KLF15: variants seen among roughly 807,000 people sequenced by gnomAD.
The protein encoded by KLF15 is Krueppel-like factor 15.
Under a neutral mutation model 24.6 loss-of-function variants are expected in KLF15, and 4 were observed. The observed-to-expected ratio is 0.16, with a 90% CI of 0.08 to 0.37. The LOEUF is 0.37. Among genes scored for constraint, KLF15 ranks in the 10% least tolerant of loss-of-function variants. KLF15 has a pLI of 1.00. For synonymous variants in KLF15, 246 were observed against 236.3 expected, an observed-to-expected ratio of 1.04 and a Z score of -0.37; for missense variants, 496 against 560.6, an observed-to-expected ratio of 0.88 and a Z score of 1.16.
At chr3:126,335,436 A>G in the KLF15 span, among the ~76,000 whole-genome samples, 5 of 143,422 alleles carry the variant, frequency 3.5e-5, no homozygotes, top group Admixed American at 7.0e-5. Context: ...AAATAATAAG[A>G]GCTATCTATG....
At chr3:126,302,303 G>A in the KLF15 span, among the ~76,000 whole-genome samples, 1 of 152,146 alleles carries the variant, frequency 6.6e-6, no homozygotes. Flanking sequence ...CCAGAATGTA[G>A]TCAGTCTTGG....
chr3:126,339,810 A>C, downstream of KLF15, among the ~76,000 whole-genome samples: 1 of 151,620 alleles, frequency 6.6e-6, no homozygotes, highest in Non-Finnish European at 1.5e-5. Context: ...TAGACTCTGG[A>C]CCCTATTCAC....
the KLF15 span, among the ~76,000 whole-genome samples, chr3:126,310,152 C>T: frequency 6.6e-6 from 1 of 152,238 alleles, no homozygotes; most frequent in African/African-American, 2.4e-5. Flanking sequence ...CACAGATCCC[C>T]TCCCAGCAGG....
chr3:126,314,436 A>G, the KLF15 span, among the ~76,000 whole-genome samples: 1 of 152,084 alleles, frequency 6.6e-6, no homozygotes, highest in African/African-American at 2.4e-5. Flanking sequence ...CCGCTTGGGG[A>G]AGCAGAGAAT....
chr3:126,346,455 A>G (rs940095506), intron 2 of KLF15, among the ~76,000 whole-genome samples: 7 of 152,160 alleles, frequency 4.6e-5, no homozygotes, highest in Non-Finnish European at 1.0e-4. Context: ...GGTGCCCTGA[A>G]TGGTCCTTTC....
the KLF15 span, among the ~76,000 whole-genome samples, chr3:126,292,201 A>G: frequency 1.3e-5 from 2 of 152,186 alleles, no homozygotes; most frequent in Non-Finnish European, 2.9e-5. Context: ...AGGGAAGCAC[A>G]GGGCTGGGGT....
At chr3:126,308,169 C>T in the KLF15 span, among the ~76,000 whole-genome samples, 4 of 152,176 alleles carry the variant, frequency 2.6e-5, no homozygotes, top group Non-Finnish European at 4.4e-5. Context: ...ATACAGGAAG[C>T]GCGCTGCCCT....
At chr3:126,339,784 C>T (rs1015687655), downstream of KLF15, among the ~76,000 whole-genome samples, 4 of 152,242 alleles carry the variant, frequency 2.6e-5, no homozygotes, top group Admixed American at 2.0e-4. Flanking sequence ...CACCTCCCGG[C>T]TCTCACGGCC....
intron 2 of KLF15, among the ~76,000 whole-genome samples, chr3:126,349,288 T>C (rs2082562072): frequency 6.6e-6 from 1 of 152,048 alleles, no homozygotes; most frequent in Non-Finnish European, 1.5e-5. Context: ...CCAGACCCAC[T>C]CCAGGGGACC....
the KLF15 span, among the ~76,000 whole-genome samples, chr3:126,324,806 C>CT: frequency 0.05 from 3,005 of 59,566 alleles, 91 homozygotes; most frequent in African/African-American, 0.055. Context: ...TTTTTTCGCT[C>CT]TTTTTTTTTT....
chr3:126,330,953 G>A, the KLF15 span, among the ~76,000 whole-genome samples: 2 of 152,184 alleles, frequency 1.3e-5, no homozygotes, highest in African/African-American at 2.4e-5. Context: ...TCTCATAAGG[G>A]CAGCAGAGGA....
At chr3:126,353,812 G>T (rs1429800399) in intron 1 of KLF15, among the ~76,000 whole-genome samples, 1 of 152,200 alleles carries the variant, frequency 6.6e-6, no homozygotes, top group African/African-American at 2.4e-5. Context: ...TGGTGGCCAA[G>T]GCCCTGCCCC....
chr3:126,308,170 G>T, the KLF15 span, among the ~76,000 whole-genome samples: 2 of 152,202 alleles, frequency 1.3e-5, no homozygotes, highest in African/African-American at 4.8e-5. Context: ...TACAGGAAGC[G>T]CGCTGCCCTG....
chr3:126,345,657 C>G (rs1195422011), intron 2 of KLF15, among the ~76,000 whole-genome samples: 1 of 152,144 alleles, frequency 6.6e-6, no homozygotes, highest in Non-Finnish European at 1.5e-5. Flanking sequence ...ACCAGGGCCA[C>G]CCAGCGAGAG....
the KLF15 span, among the ~76,000 whole-genome samples, chr3:126,304,709 C>A: frequency 6.6e-6 from 1 of 152,150 alleles, no homozygotes; most frequent in African/African-American, 2.4e-5. Flanking sequence ...GTATTTTGCC[C>A]AGGTTTGTTA....
chr3:126,343,823 C>T lies in KLF15; in HGVS notation c.1155G>A (p.Val385=). The T allele has an allele frequency of 6.2e-7, 1 of 1,611,740 alleles. No individual in the cohort carries two copies. Among genetic ancestry groups the T allele is most frequent in the Non-Finnish European group, 8.5e-7 (1 of 1,179,892 alleles). The change falls in exon 3 of 3, where the codon GTG becomes GTA. Residue 385 remains valine (V), a synonymous_variant. Coordinates refer to ENST00000296233, the MANE Select transcript of KLF15 (RefSeq NM_014079.4). ...HSGVKPYQCP[V]CEKKFARSDH... is the part of the protein sequence containing the mutation. ...CGCTCCGCGCGAACTTCTTCTCGCA[C>T]ACAGGACACTGGTACGGCTTCACAC...
chr3:126,293,087 A>C, the KLF15 span, among the ~76,000 whole-genome samples: 6 of 149,582 alleles, frequency 4.0e-5, 1 homozygote, highest in Admixed American at 1.3e-4. Flanking sequence ...AGGTGAGAGG[A>C]TCGCTTAAGC....
chr3:126,351,690 T>A (rs2082582782), intron 2 of KLF15, 151 bp downstream of exon 2: 1 of 968,350 alleles, frequency 1.0e-6, no homozygotes, highest in African/African-American at 1.7e-5. Flanking sequence ...TCCAGGCAAC[T>A]GTGCCAGCTC....
chr3:126,331,652 T>G, the KLF15 span, among the ~76,000 whole-genome samples: 1 of 152,150 alleles, frequency 6.6e-6, no homozygotes, highest in African/African-American at 2.4e-5. Flanking sequence ...GGTCTACAGC[T>G]CCCAGCGTGA....
Sources: allele counts gnomAD v4.1 joint callset (sites outside exome capture counted in the v4.1 genomes callset), GRCh38; gene constraint gnomAD v4.1.1; transcripts MANE v1.5; gene names NCBI Gene and HGNC (gene_info 2026-07-23, HGNC 2026-07-21).